The following RRM1 variants were observed in gnomAD, a reference collection of about 807,000 sequenced individuals.
RRM1 encodes the protein ribonucleotide reductase catalytic subunit M1.
A neutral mutation model predicts 101.5 loss-of-function variants in RRM1; 19 were observed. The ratio of observed to expected loss-of-function variants is 0.19; its 90% CI spans 0.13 to 0.27. The LOEUF (loss-of-function observed/expected upper bound fraction) is 0.27. Among genes scored for constraint, RRM1 ranks in the 10% least tolerant of loss-of-function variants. RRM1 has a pLI of 1.00. For missense variants in RRM1, 500 were observed against 962.9 expected (o/e 0.52, Z 6.36); for synonymous variants, 298 against 323.4 (o/e 0.92, Z 0.84).
chr11:4,127,934 A>G (rs776085314), intron 14 of RRM1, among the ~76,000 whole-genome samples: 2 of 152,092 alleles, frequency 1.3e-5, no homozygotes, highest in African/African-American at 4.8e-5. Context: ...TCTGTGTTCA[A>G]GATGTTGGTA....
intron 15 of RRM1, among the ~76,000 whole-genome samples, chr11:4,131,922 C>T (rs1450466289): frequency 2.0e-5 from 3 of 152,040 alleles, no homozygotes; most frequent in Non-Finnish European, 2.9e-5. Flanking sequence ...AGGTGGGGAG[C>T]GCTTCAACAG....
intron 11 of RRM1, among the ~76,000 whole-genome samples, chr11:4,122,652 C>A (rs1364800196): frequency 6.6e-6 from 1 of 152,130 alleles, no homozygotes; most frequent in African/African-American, 2.4e-5. Context: ...GCAGGTGGAT[C>A]ATTTGAGGTC....
chr11:4,095,100 CCCAGA>C, intron 1 of RRM1, 69 bp downstream of exon 1: 1 of 1,366,080 alleles, frequency 7.3e-7, no homozygotes, highest in Non-Finnish European at 9.9e-7. Context: ...GGAGCTGATG[CCCAGA>C]CCGCCCGCCC....
Position 4,123,176 on chromosome 11 carries a change from C to G in RRM1, c.1119-7C>G. 6.2e-7 allele frequency: 1 copy of G among 1,610,604 alleles called. No homozygotes were observed. The highest frequency in any genetic ancestry group is 8.5e-7 in the Non-Finnish European group (1 of 1,177,076). On this transcript the variant is annotated splice_region_variant and splice_polypyrimidine_tract_variant and intron_variant, in intron 11 of 18. Transcript: ENST00000300738. ...ATATATTAAATAATATTATCTGTGC[C>G]TTTCAGTTATGAGAAACAAGGTCGT...
At chr11:4,111,745 T>C in intron 6 of RRM1, 105 bp downstream of exon 6, 1 of 1,255,204 alleles carries the variant, frequency 8.0e-7, no homozygotes, top group Non-Finnish European at 1.1e-6. Flanking sequence ...TAGATAACAT[T>C]TTGGACTTTA....
intron 10 of RRM1, 91 bp downstream of exon 10, chr11:4,121,856 A>G: frequency 1.6e-6 from 2 of 1,257,294 alleles, no homozygotes; most frequent in African/African-American, 3.0e-5. Flanking sequence ...GGAAGAGCCC[A>G]TATGTGTGTG....
intron 12 of RRM1, among the ~76,000 whole-genome samples, chr11:4,123,735 A>C (rs2094585312): frequency 6.6e-6 from 1 of 152,146 alleles, no homozygotes; most frequent in South Asian, 2.1e-4. Context: ...TTGAGCCTGG[A>C]AAGTGGAGGC....
chr11:4,110,940 C>T (rs1458351979), intron 5 of RRM1, among the ~76,000 whole-genome samples: 1 of 152,014 alleles, frequency 6.6e-6, no homozygotes, highest in Non-Finnish European at 1.5e-5. Flanking sequence ...TGCTTAGATC[C>T]GTGCCTAGTC....
rs536422036 is a variant in RRM1 at position 4,128,342 on chromosome 11, C to T, written c.1693-732C>T. ...GGCCAGGCTGGTCTTGAACTTGTGA[C>T]CTCAAGTGATCCGCCTGCCTTGGCC... On this transcript the variant is annotated intron_variant, in intron 14 of 18. Coordinates refer to ENST00000300738, the MANE Select transcript of RRM1 (RefSeq NM_001033.5). Among the ~76,000 whole-genome samples, 27 of 152,188 alleles carry T rather than the reference C, an allele frequency of 1.8e-4. 1 individual carries two copies. The highest frequency in any genetic ancestry group is 6.0e-4 in the African/African-American group (25 of 41,524).
rs368534503 is a variant in RRM1 at position 4,107,424 on chromosome 11, G to T, written c.287-11G>T. 6.4e-7 allele frequency: 1 copy of T among 1,554,592 alleles called. No homozygotes were observed. The highest frequency in any genetic ancestry group is 8.9e-7 in the Non-Finnish European group (1 of 1,128,068). ...TCTTGATATATTTTCATTTTTTGTTGTATTTTTTAGATGTGATGGAAGACC... is the reference window on the plus strand; with the variant it reads ...TCTTGATATATTTTCATTTTTTGTTTTATTTTTTAGATGTGATGGAAGACC... On this transcript the variant is annotated splice_polypyrimidine_tract_variant and intron_variant, in intron 3 of 18. Transcript: ENST00000300738.
chr11:4,124,763 A>C (rs1399921860), intron 12 of RRM1, among the ~76,000 whole-genome samples: 1 of 152,020 alleles, frequency 6.6e-6, no homozygotes, highest in Non-Finnish European at 1.5e-5. Context: ...CTGCAACCTC[A>C]ACAGAGTTCT....
chr11:4,124,595 T>G (rs2094586605), intron 12 of RRM1, among the ~76,000 whole-genome samples: 1 of 152,166 alleles, frequency 6.6e-6, no homozygotes, highest in African/African-American at 2.4e-5. Flanking sequence ...CAAGACAGAT[T>G]ATATTATAGA....
intron 1 of RRM1, 111 bp from the exon 2 acceptor site, chr11:4,101,882 G>A: frequency 3.1e-6 from 2 of 641,682 alleles, no homozygotes; most frequent in South Asian, 3.9e-5. Context: ...CTGTGAAATA[G>A]CACTTCATGT....
At position 4,094,994 on chromosome 11, in the gene RRM1, G is replaced by T; in HGVS notation, c.-19G>T. 2 of 1,561,148 alleles carry T rather than the reference G, an allele frequency of 1.3e-6. No homozygotes were observed. The highest frequency in any genetic ancestry group is 1.7e-6 in the Non-Finnish European group (2 of 1,152,588). ...GCAGTCCAGTCTTGGATCCTTCAGA[G>T]CCTCAGCCACTAGCTGCGATGCATG... On this transcript the variant is annotated 5_prime_UTR_variant, in exon 1 of 19. Coordinates refer to ENST00000300738, the MANE Select transcript of RRM1 (RefSeq NM_001033.5).
At chr11:4,098,300 T>C (rs186944615) in intron 1 of RRM1, among the ~76,000 whole-genome samples, 1 of 142,278 alleles carries the variant, frequency 7.0e-6, no homozygotes, top group Non-Finnish European at 1.5e-5. Flanking sequence ...CTTCCTCCCT[T>C]TCTTCCTCCC....
intron 5 of RRM1, among the ~76,000 whole-genome samples, chr11:4,110,566 G>A (rs1430034121): frequency 2.0e-5 from 3 of 151,996 alleles, no homozygotes; most frequent in South Asian, 2.1e-4. Flanking sequence ...TCAGGAGTTC[G>A]AGACCAGCCT....
At chr11:4,128,967 A>G in intron 14 of RRM1, 107 bp from the exon 15 acceptor site, 2 of 599,228 alleles carry the variant, frequency 3.3e-6, no homozygotes, top group Middle Eastern at 4.1e-4. Flanking sequence ...AGAAGACAGC[A>G]TTTGTTGGGA....
chr11:4,126,139 T>C (rs1468141683), intron 12 of RRM1, among the ~76,000 whole-genome samples: 1 of 152,210 alleles, frequency 6.6e-6, no homozygotes, highest in Non-Finnish European at 1.5e-5. Flanking sequence ...AAATCACAAA[T>C]TGAGATCCAT....
intron 12 of RRM1, among the ~76,000 whole-genome samples, chr11:4,124,017 A>G (rs1366723907): frequency 1.3e-5 from 2 of 152,148 alleles, no homozygotes; most frequent in Non-Finnish European, 2.9e-5. Context: ...AGTGGTCTGT[A>G]TGATACACCA....
Sources: gnomAD v4.1 joint callset for allele counts (sites outside exome capture counted in the v4.1 genomes callset) on GRCh38, gnomAD v4.1.1 for gene constraint, MANE v1.5 for transcripts, NCBI Gene and HGNC (gene_info 2026-07-23, HGNC 2026-07-21) for gene names.